Variants in SAMD12 observed in about 807,000 individuals in gnomAD.
The protein encoded by SAMD12 is sterile alpha motif domain containing 12, also known as sterile alpha motif domain-containing protein 12.
In SAMD12, 9 loss-of-function variants were observed where a neutral mutation model predicts 15.0. The ratio of observed to expected loss-of-function variants is 0.60; its 90% CI spans 0.36 to 1.05. The LOEUF is 1.05. SAMD12 is among the 50% of genes least tolerant of loss of function. The pLI, the probability that SAMD12 is intolerant of heterozygous loss-of-function variation, is 0.01. For missense variants in SAMD12, 230 were observed against 234.2 expected (o/e 0.98, Z 0.12); for synonymous variants, 86 against 90.1 (o/e 0.96, Z 0.25).
intron 2 of SAMD12, among the ~76,000 whole-genome samples, chr8:118,451,338 G>C (rs1262777995): frequency 6.6e-6 from 1 of 152,170 alleles, no homozygotes; most frequent in Non-Finnish European, 1.5e-5. Flanking sequence ...CTCTGACTTT[G>C]TCCTAATCTG....
At chr8:118,575,123 A>G (rs1827114723) in intron 2 of SAMD12, among the ~76,000 whole-genome samples, 1 of 152,166 alleles carries the variant, frequency 6.6e-6, no homozygotes, top group Non-Finnish European at 1.5e-5. Context: ...TGGCTTATCC[A>G]AAGCACCCAG....
chr8:118,560,484 G>A lies in SAMD12; in HGVS notation c.192+20231C>T, dbSNP rs567150873. Among the ~76,000 whole-genome samples, 52 of 152,322 alleles carry A rather than the reference G, an allele frequency of 3.4e-4. 1 individual carries two copies. The highest frequency in any genetic ancestry group is 1.2e-3 in the African/African-American group (51 of 41,566). On this transcript the variant is annotated intron_variant, in intron 2 of 3. Coordinates refer to ENST00000314727, the MANE Select transcript of SAMD12 (RefSeq NM_207506.3). ...CAGGAGACAGTGGATGGAAATGTGT[G>A]TAGTGGAGGAAAAAAGCTCTGAAAT...
chr8:118,595,274 A>T (rs944630464), intron 1 of SAMD12, among the ~76,000 whole-genome samples: 3 of 152,212 alleles, frequency 2.0e-5, no homozygotes, highest in Non-Finnish European at 4.4e-5. Flanking sequence ...ATTCCTACTT[A>T]GCTTTTCAAA....
intron 4 of SAMD12, among the ~76,000 whole-genome samples, chr8:118,258,449 C>T (rs916419161): frequency 1.4e-5 from 2 of 146,902 alleles, no homozygotes; most frequent in Admixed American, 1.3e-4. Context: ...TTTCCTTCCA[C>T]AATTATTGTT....
At chr8:118,355,556 C>T (rs533380437) in intron 4 of SAMD12, among the ~76,000 whole-genome samples, 15 of 152,208 alleles carry the variant, frequency 9.9e-5, no homozygotes, top group East Asian at 3.9e-4. Flanking sequence ...TAATAATTAA[C>T]GCAAAGGTAT....
chr8:118,161,680 C>A, the SAMD12 span, among the ~76,000 whole-genome samples: 5 of 148,176 alleles, frequency 3.4e-5, no homozygotes, highest in African/African-American at 7.4e-5. Flanking sequence ...CATAAAGAAG[C>A]CTCAAAACTC....
At chr8:118,132,937 A>G in the SAMD12 span, among the ~76,000 whole-genome samples, 1 of 137,432 alleles carries the variant, frequency 7.3e-6, no homozygotes, top group Admixed American at 7.4e-5. Flanking sequence ...GTGGTGAGAG[A>G]TGATTCTTAT....
intron 4 of SAMD12, among the ~76,000 whole-genome samples, chr8:118,248,111 G>A (rs1812738070): frequency 6.6e-6 from 1 of 152,102 alleles, no homozygotes; most frequent in African/African-American, 2.4e-5. Flanking sequence ...TGCAGAAAGG[G>A]ACAGGGTCTC....
chr8:118,393,466 A>T (rs10104378), intron 3 of SAMD12, among the ~76,000 whole-genome samples: 107,193 of 151,752 alleles, frequency 0.71, 39,047 homozygotes, highest in African/African-American at 0.85. Flanking sequence ...GATCTCAATC[A>T]CCTGAGCTCG....
chr8:118,330,480 T>C (rs1816760583), intron 4 of SAMD12, among the ~76,000 whole-genome samples: 1 of 152,084 alleles, frequency 6.6e-6, no homozygotes, highest in Non-Finnish European at 1.5e-5. Context: ...AAACATGGAA[T>C]GAAGAAAGTT....
chr8:118,392,205 G>GATCAC (rs1820315053), intron 3 of SAMD12, among the ~76,000 whole-genome samples: 1 of 152,100 alleles, frequency 6.6e-6, no homozygotes, highest in Admixed American at 6.5e-5. Flanking sequence ...GAGGCAGGCG[G>GATCAC]ATCACGAGGT....
At chr8:118,172,241 A>G in the SAMD12 span, among the ~76,000 whole-genome samples, 1 of 151,668 alleles carries the variant, frequency 6.6e-6, no homozygotes, top group African/African-American at 2.4e-5. Flanking sequence ...GTACCCTAGA[A>G]CTTAAAGTAA....
At chr8:118,394,326 G>A (rs1455120157) in intron 3 of SAMD12, among the ~76,000 whole-genome samples, 3 of 152,116 alleles carry the variant, frequency 2.0e-5, no homozygotes, top group African/African-American at 7.2e-5. Context: ...GTTGGTTCAG[G>A]TCTTAGATGC....
At position 118,612,268 on chromosome 8, in the gene SAMD12, C is replaced by T. The variant is rs572919790; in HGVS notation, c.13+9536G>A. 1.4e-4 allele frequency among the ~76,000 whole-genome samples: 22 copies of T among 152,306 alleles called. No individual in the cohort carries two copies. The South Asian group carries it at 4.6e-3, about 32-fold the overall frequency. On this transcript the variant is annotated intron_variant, in intron 1 of 3. Transcript: ENST00000314727. ...CCAAAATAAGCTCTCCCTGGCCTGT[C>T]CTCCTTATCTGATTGTTTTTCTACA...
At chr8:118,337,055 A>T (rs980311131) in intron 4 of SAMD12, among the ~76,000 whole-genome samples, 1 of 152,116 alleles carries the variant, frequency 6.6e-6, no homozygotes, top group Admixed American at 6.5e-5. Flanking sequence ...AAATATACCT[A>T]ATGTAAATGA....
At position 118,545,920 on chromosome 8, in the gene SAMD12, A is replaced by G. The variant is rs923690128; in HGVS notation, c.192+34795T>C. ...TGAGAGACCGAGCTGATTGTTCCCAACTGCAAAGCCAGAGCCCAGGTACTG... is the reference window on the plus strand; with the variant it reads ...TGAGAGACCGAGCTGATTGTTCCCAGCTGCAAAGCCAGAGCCCAGGTACTG... On this transcript the variant is annotated intron_variant, in intron 2 of 3. Coordinates refer to ENST00000314727, the MANE Select transcript of SAMD12 (RefSeq NM_207506.3). Among the ~76,000 whole-genome samples the G allele has an allele frequency of 9.9e-5, 15 of 152,276 alleles. No individual in the cohort carries two copies. In the South Asian group the frequency reaches 2.1e-3, roughly 21 times the overall value.
At chr8:118,259,018 T>C (rs995845224) in intron 4 of SAMD12, among the ~76,000 whole-genome samples, 1 of 152,016 alleles carries the variant, frequency 6.6e-6, no homozygotes, top group Non-Finnish European at 1.5e-5. Flanking sequence ...CTCAGCAGAC[T>C]AGAAATAGCA....
the SAMD12 span, among the ~76,000 whole-genome samples, chr8:118,170,333 T>A: frequency 6.6e-6 from 1 of 152,168 alleles, no homozygotes; most frequent in Non-Finnish European, 1.5e-5. Context: ...AAAACTGATA[T>A]ATCTTATAAA....
At position 118,219,839 on chromosome 8, in the gene SAMD12, T is replaced by C. The variant is rs1169123781; in HGVS notation, c.434-22107A>G. Among the ~76,000 whole-genome samples, 4 of 152,196 alleles carry C rather than the reference T, an allele frequency of 2.6e-5. No homozygotes were observed. The East Asian group carries it at 5.8e-4, about 22-fold the overall frequency. On this transcript the variant is annotated intron_variant, in intron 4 of 4. Coordinates refer to the SAMD12 transcript ENST00000409003. The stretch of plus-strand genomic sequence containing the variant: ...CACATAGGAGCCACAGGCAATGCCA[T>C]GTGAAGCTGGAGAGTTGCTCAGCTG...
Sources: allele counts gnomAD v4.1 joint callset (sites outside exome capture counted in the v4.1 genomes callset), GRCh38; gene constraint gnomAD v4.1.1; transcripts MANE v1.5; gene names NCBI Gene and HGNC (gene_info 2026-07-23, HGNC 2026-07-21).